Variants in VPS13D observed in about 807,000 individuals in gnomAD.
VPS13D encodes the protein vacuolar protein sorting 13 homolog D, also known as intermembrane lipid transfer protein VPS13D.
Under a neutral mutation model 461.9 loss-of-function variants are expected in VPS13D, and 187 were observed. The ratio of observed to expected loss-of-function variants is 0.40; its 90% CI spans 0.36 to 0.46. The LOEUF (loss-of-function observed/expected upper bound fraction) is 0.46, where lower values mean the gene tolerates loss of function less well. Among genes scored for constraint, VPS13D ranks in the 20% least tolerant of loss-of-function variants. The pLI is 0.60. For synonymous variants in VPS13D, 1,951 were observed against 1,986.3 expected (o/e 0.98, Z 0.47); for missense variants, 4,711 against 5,364.9 (o/e 0.88, Z 3.81).
intron 62 of VPS13D, among the ~76,000 whole-genome samples, chr1:12,401,916 C>A (rs1168547841): frequency 5.9e-5 from 9 of 152,208 alleles, no homozygotes; most frequent in Admixed American, 5.2e-4. Context: ...AGGAGCCATT[C>A]AGAGGGTCTT....
rs1645508635 is a variant in VPS13D, at chr1:12,467,792, A to G, written c.12662+7396A>G. 2.0e-5 allele frequency among the ~76,000 whole-genome samples: 3 copies of G among 152,198 alleles called. No individual in the cohort carries two copies. The South Asian group carries it at 6.2e-4, about 32-fold the overall frequency. On this transcript the variant is annotated intron_variant, in intron 67 of 69. Transcript: ENST00000620676. Reference sequence around the variant, plus strand: ...TTATGCAAGATTATCTGTTAGGAAAAAACCCACTTTTTTGGTCATGGTACA... The same window carrying G: ...TTATGCAAGATTATCTGTTAGGAAAGAACCCACTTTTTTGGTCATGGTACA...
At chr1:12,308,860 G>A (rs1409391320) in intron 27 of VPS13D, among the ~76,000 whole-genome samples, 1 of 151,874 alleles carries the variant, frequency 6.6e-6, no homozygotes, top group East Asian at 1.9e-4. Flanking sequence ...CCATGTTGTG[G>A]TCTTGAACTC....
chr1:12,305,808 T>C (rs1642545695), intron 26 of VPS13D, among the ~76,000 whole-genome samples: 1 of 152,142 alleles, frequency 6.6e-6, no homozygotes, highest in African/African-American at 2.4e-5. Context: ...CTTATAGTCC[T>C]AGAGGTGACA....
intron 68 of VPS13D, chr1:12,499,330 C>T (rs1646004489): frequency 1.0e-5 from 4 of 385,272 alleles, no homozygotes; most frequent in Non-Finnish European, 1.1e-5. Context: ...TTTGTGTTCA[C>T]ATGCGTCCAT....
intron 60 of VPS13D, among the ~76,000 whole-genome samples, chr1:12,388,574 A>AG (rs1429365775): frequency 2.0e-4 from 30 of 147,852 alleles, no homozygotes; most frequent in African/African-American, 5.2e-4. Flanking sequence ...CTCTTGTCTC[A>AG]GGGGGAAAAA....
chr1:12,299,119 G>T lies in VPS13D; in HGVS notation c.6034-83G>T. 7.3e-7 allele frequency: 1 copy of T among 1,368,844 alleles called. No homozygotes were observed. The highest frequency in any genetic ancestry group is 9.8e-7 in the Non-Finnish European group (1 of 1,015,232). The allele number at this position is 1,368,844 out of a possible 1,614,324, so 84.8% of individuals were successfully genotyped here. ...GATTTTAATTGTTTTATAAACTCAC[G>T]AAACTTTTGGGAACCTGAGGTTATT... On this transcript the variant is annotated intron_variant, in intron 24 of 69. Coordinates refer to ENST00000620676, the MANE Select transcript of VPS13D (RefSeq NM_015378.4). This position sits in a 1 kb window ranked among gnomAD's most constrained non-coding sequence, Gnocchi z 4.2.
intron 1 of VPS13D, among the ~76,000 whole-genome samples, chr1:12,233,739 T>G (rs896487698): frequency 1.3e-5 from 2 of 152,142 alleles, no homozygotes; most frequent in Non-Finnish European, 1.5e-5. Context: ...TTACAGAGCT[T>G]CTTGCCTCAT....
intron 43 of VPS13D, among the ~76,000 whole-genome samples, chr1:12,345,889 T>C (rs1643665242): frequency 6.6e-6 from 1 of 152,238 alleles, no homozygotes. Flanking sequence ...CCTTTTACTC[T>C]GTGTCTCCAA....
intron 68 of VPS13D, chr1:12,499,370 C>T: frequency 1.2e-6 from 1 of 807,280 alleles, no homozygotes; most frequent in African/African-American, 1.9e-5. Context: ...TTTTTAGTCA[C>T]AGGCTAAATG....
chr1:12,355,208 G>T (rs1643875191), intron 47 of VPS13D, among the ~76,000 whole-genome samples: 1 of 152,162 alleles, frequency 6.6e-6, no homozygotes, highest in Non-Finnish European at 1.5e-5. Flanking sequence ...CCTAAATCAG[G>T]TCTTCAATCT....
intron 65 of VPS13D, 57 bp from the exon 66 acceptor site, chr1:12,455,941 A>G: frequency 6.5e-7 from 1 of 1,534,680 alleles, no homozygotes; most frequent in South Asian, 1.3e-5. Context: ...AGTAATTCAA[A>G]TAGTAAAAAT....
intron 65 of VPS13D, among the ~76,000 whole-genome samples, chr1:12,432,563 T>C (rs1222513619): frequency 6.6e-6 from 1 of 151,878 alleles, no homozygotes; most frequent in Non-Finnish European, 1.5e-5. Flanking sequence ...GTCTTCGTTA[T>C]GAGAACACTT....
intron 59 of VPS13D, 149 bp from the exon 60 acceptor site, chr1:12,386,036 A>G: frequency 4.8e-6 from 4 of 828,812 alleles, no homozygotes; most frequent in Middle Eastern, 6.8e-4. Context: ...TGAGCCCTCC[A>G]GGTAAATAAT....
chr1:12,264,306 CAT>C (rs1293246532), intron 13 of VPS13D, among the ~76,000 whole-genome samples: 2 of 152,196 alleles, frequency 1.3e-5, no homozygotes, highest in East Asian at 1.9e-4. Context: ...GGAAGAGTCA[CAT>C]GTCTCTCACT....
intron 66 of VPS13D, among the ~76,000 whole-genome samples, chr1:12,456,657 A>T (rs547221774): frequency 6.6e-6 from 1 of 150,420 alleles, no homozygotes; most frequent in Non-Finnish European, 1.5e-5. Flanking sequence ...AAAAAAAAAA[A>T]AAAGAAAAGG....
intron 67 of VPS13D, among the ~76,000 whole-genome samples, chr1:12,494,153 A>T (rs1454815042): frequency 6.6e-6 from 1 of 152,250 alleles, no homozygotes; most frequent in Non-Finnish European, 1.5e-5. Flanking sequence ...TGAGCACTGA[A>T]TCCAACCTTG....
At chr1:12,245,645 G>A (rs898320063) in intron 5 of VPS13D, among the ~76,000 whole-genome samples, 1 of 152,128 alleles carries the variant, frequency 6.6e-6, no homozygotes, top group African/African-American at 2.4e-5. Context: ...GATGACTTGA[G>A]CCGAGGAGTT....
rs1243073306 is a variant in VPS13D, at chr1:12,273,107, A to G, written c.2208A>G (p.Leu736=). Reference sequence around the variant, plus strand: ...ATCCTGTGTTAGTTGTCGTGGATCTAGGAAGAATGCTTTTGACGAACACCC... The same window carrying G: ...ATCCTGTGTTAGTTGTCGTGGATCTGGGAAGAATGCTTTTGACGAACACCC... ...FKNPVLVVVD[L]GRMLLTNTQD... Residue 736 remains leucine, a synonymous_variant, in exon 18 of 70, where the codon CTA becomes CTG. Transcript: ENST00000620676. 1 of 1,614,168 alleles carries G rather than the reference A, an allele frequency of 6.2e-7. No individual in the cohort carries two copies. Among genetic ancestry groups the G allele is most frequent in the South Asian group, 1.1e-5 (1 of 91,078 alleles).
Position 12,390,893 on chromosome 1 carries a change from G to C in VPS13D, c.11634+4559G>C, listed in dbSNP as rs369242702. Among the ~76,000 whole-genome samples the C allele has an allele frequency of 2.8e-4, 42 of 152,296 alleles. No individual in the cohort carries two copies. The South Asian group carries it at 8.5e-3, about 31-fold the overall frequency. ...AGGAGTGGCTGGGGAAAGAGGCCGA[G>C]TGGTGTCCACAGAACAGGTCATCCT... On this transcript the variant is annotated intron_variant, in intron 60 of 69. Transcript: ENST00000620676.
Sources: gnomAD v4.1 joint callset for allele counts (sites outside exome capture counted in the v4.1 genomes callset) on GRCh38, gnomAD v4.1.1 for gene constraint, Gnocchi (gnomAD v3.1) non-coding constraint, MANE v1.5 for transcripts, NCBI Gene and HGNC (gene_info 2026-07-23, HGNC 2026-07-21) for gene names.